The following ZNF610 variants were observed in gnomAD, a reference collection of about 807,000 sequenced individuals.
The protein encoded by ZNF610 is zinc finger protein 610.
In ZNF610, 14 loss-of-function variants were observed where a neutral mutation model predicts 14.1. The observed-to-expected ratio is 0.99, with a 90% CI of 0.65 to 1.55. The LOEUF is 1.55. ZNF610 is among the 40% of genes most tolerant of loss of function. The pLI, the probability that ZNF610 is intolerant of heterozygous loss-of-function variation, is 0.00. For missense variants in ZNF610, 530 were observed against 558.0 expected (o/e 0.95, Z 0.51); for synonymous variants, 185 against 187.6 (o/e 0.99, Z 0.11).
Position 52,336,266 on chromosome 19 carries a change from G to T in ZNF610, c.-498G>T. 3.7e-6 allele frequency: 1 copy of T among 270,874 alleles called. No homozygotes were observed. The highest frequency in any genetic ancestry group is 7.0e-6 in the Non-Finnish European group (1 of 142,016). 16.8% of individuals were successfully genotyped at this position (270,874 alleles called of 1,614,324 possible). A position where few individuals can be genotyped will look rare whatever the true frequency, so the allele number is the denominator to read the frequency against. On this transcript the variant is annotated 5_prime_UTR_variant, in exon 1 of 6. Coordinates refer to ENST00000403906, the MANE Select transcript of ZNF610 (RefSeq NM_001161425.2). ...TTGCAGACCCGGAAGCGGATCGCGT[G>T]GGTAGAAGGTCACACCGCAGCGCGT...
chr19:52,366,888 C>A lies in ZNF610; in HGVS notation c.*121C>A. On this transcript the variant is annotated 3_prime_UTR_variant, in exon 6 of 6. Coordinates refer to ENST00000403906, the MANE Select transcript of ZNF610 (RefSeq NM_001161425.2). ...TAGTTTGCATTGAAGCCTCATCACT[C>A]ATCTCTTGATCCACACTGAAAGGAA... 2 of 711,402 alleles carry A rather than the reference C, an allele frequency of 2.8e-6. No individual in the cohort carries two copies. The highest frequency in any genetic ancestry group is 4.6e-6 in the Non-Finnish European group (2 of 434,696). 44.1% of individuals were successfully genotyped at this position (711,402 alleles called of 1,614,324 possible).
At chr19:52,358,461 C>T (rs1033049976) in intron 5 of ZNF610, among the ~76,000 whole-genome samples, 10 of 152,208 alleles carry the variant, frequency 6.6e-5, no homozygotes, top group African/African-American at 1.9e-4. Context: ...GGATTATAGG[C>T]GTAAGCCACT....
At chr19:52,338,229 G>T (rs1026965266) in intron 1 of ZNF610, among the ~76,000 whole-genome samples, 6 of 152,346 alleles carry the variant, frequency 3.9e-5, no homozygotes, top group Non-Finnish European at 7.3e-5. Flanking sequence ...TGAACCGGGG[G>T]TTCCCATGAC....
At chr19:52,339,320 T>G (rs1984552531) in intron 1 of ZNF610, among the ~76,000 whole-genome samples, 1 of 151,896 alleles carries the variant, frequency 6.6e-6, no homozygotes, top group South Asian at 2.1e-4. Context: ...CTTTATGGGT[T>G]CCAGGCTGGG....
chr19:52,352,862 T>C (rs1225786971), intron 3 of ZNF610, among the ~76,000 whole-genome samples: 1 of 152,168 alleles, frequency 6.6e-6, no homozygotes, highest in African/African-American at 2.4e-5. Flanking sequence ...TTTTCCAATT[T>C]CATTCTTGGC....
At chr19:52,336,688 T>C (rs1984399016) in intron 1 of ZNF610, among the ~76,000 whole-genome samples, 182 bp downstream of exon 1, 1 of 152,178 alleles carries the variant, frequency 6.6e-6, no homozygotes. Context: ...GGCCGCGTCC[T>C]GTACTGGGTC....
intron 5 of ZNF610, among the ~76,000 whole-genome samples, chr19:52,360,243 G>A (rs561104827): frequency 1.4e-4 from 21 of 152,328 alleles, no homozygotes; most frequent in Middle Eastern, 3.4e-3. Flanking sequence ...TGGAGGGCAG[G>A]AAAAGGTTGG....
At chr19:52,333,104 TAGGACAA>T (rs1048260150), upstream of ZNF610, among the ~76,000 whole-genome samples, 5 of 151,976 alleles carry the variant, frequency 3.3e-5, no homozygotes, top group African/African-American at 1.2e-4. Context: ...TTCCAATAGA[TAGGACAA>T]AGGACAGAGG....
In ZNF610 at chr19:52,367,042, T is replaced by C; in HGVS notation, c.*275T>C. 1 of 383,776 alleles carries C rather than the reference T, an allele frequency of 2.6e-6. No individual in the cohort carries two copies. The highest frequency in any genetic ancestry group is 4.6e-6 in the Non-Finnish European group (1 of 216,422). 23.8% of individuals were successfully genotyped at this position (383,776 alleles called of 1,614,324 possible). Reference sequence around the variant, plus strand: ...TTGAGTAGGATTCACATTTAACTGCTGGCACCGTAATTTGTAACTCTTTGA... The same window carrying C: ...TTGAGTAGGATTCACATTTAACTGCCGGCACCGTAATTTGTAACTCTTTGA... On this transcript the variant is annotated 3_prime_UTR_variant, in exon 6 of 6. Transcript: ENST00000403906.
intron 1 of ZNF610, among the ~76,000 whole-genome samples, chr19:52,337,079 A>G (rs1364085714): frequency 6.6e-6 from 1 of 152,142 alleles, no homozygotes; most frequent in Non-Finnish European, 1.5e-5. Context: ...TAGCAGGGGG[A>G]GAAAAGTAAC....
At chr19:52,353,860 A>G in intron 4 of ZNF610, 52 bp downstream of exon 4, 1 of 1,562,516 alleles carries the variant, frequency 6.4e-7, no homozygotes, top group Non-Finnish European at 8.6e-7. Context: ...CTGTCTTTGC[A>G]TTTTCTCTTG....
In ZNF610 at chr19:52,367,536, A is replaced by C. The variant is rs746228500; in HGVS notation, c.*769A>C. ...AGAATAATAACCCATTATGATTTTA[A>C]GGTTGAAGCAGCCAGAAAAGTGTGT... On this transcript the variant is annotated 3_prime_UTR_variant, in exon 6 of 6. Coordinates refer to ENST00000403906, the MANE Select transcript of ZNF610 (RefSeq NM_001161425.2). 6.6e-6 allele frequency: 1 copy of C among 152,186 alleles called. No homozygotes were observed. The highest frequency in any genetic ancestry group is 2.1e-4 in the South Asian group (1 of 4,832). 9.4% of individuals were successfully genotyped at this position (152,186 alleles called of 1,614,324 possible).
chr19:52,353,543 C>T, intron 3 of ZNF610, 139 bp from the exon 4 acceptor site: 1 of 900,138 alleles, frequency 1.1e-6, no homozygotes, highest in South Asian at 1.7e-5. Context: ...TGAACATTTA[C>T]TAGAGATTGG....
intron 3 of ZNF610, among the ~76,000 whole-genome samples, chr19:52,352,784 C>T (rs1385757977): frequency 6.6e-6 from 1 of 151,950 alleles, no homozygotes; most frequent in African/African-American, 2.4e-5. Flanking sequence ...ATGCATCCCA[C>T]GTTTACTGTT....
intron 1 of ZNF610, among the ~76,000 whole-genome samples, chr19:52,342,693 AT>A (rs1449767888): frequency 6.6e-6 from 1 of 151,626 alleles, no homozygotes; most frequent in Non-Finnish European, 1.5e-5. Flanking sequence ...CACCTGGCTA[AT>A]TTTTGTATTT....
At chr19:52,349,353 C>A in intron 3 of ZNF610, 118 bp downstream of exon 3, 2 of 1,373,206 alleles carry the variant, frequency 1.5e-6, no homozygotes, top group Non-Finnish European at 2.0e-6. Context: ...TTTCATCTCG[C>A]TTAGATTCTA....
rs1986125561 is a variant in ZNF610, at chr19:52,366,875, A to C, written c.*108A>C. ...GTGGCAAAGAATTTAGTTTGCATTGAAGCCTCATCACTCATCTCTTGATCC... is the reference window on the plus strand; with the variant it reads ...GTGGCAAAGAATTTAGTTTGCATTGCAGCCTCATCACTCATCTCTTGATCC... On this transcript the variant is annotated 3_prime_UTR_variant, in exon 6 of 6. Coordinates refer to ENST00000403906, the MANE Select transcript of ZNF610 (RefSeq NM_001161425.2). 1 of 816,226 alleles carries C rather than the reference A, an allele frequency of 1.2e-6. No individual in the cohort carries two copies. The highest frequency in any genetic ancestry group is 1.9e-6 in the Non-Finnish European group (1 of 524,734). 50.6% of individuals were successfully genotyped at this position (816,226 alleles called of 1,614,324 possible). A position where few individuals can be genotyped will look rare whatever the true frequency, so the allele number is the denominator to read the frequency against.
At chr19:52,355,882 C>T (rs1252968690) in intron 5 of ZNF610, among the ~76,000 whole-genome samples, 1 of 152,216 alleles carries the variant, frequency 6.6e-6, no homozygotes. Flanking sequence ...GCCTGTGTGT[C>T]TTCAGCATTT....
At chr19:52,346,803 C>T (rs1047555941) in intron 1 of ZNF610, among the ~76,000 whole-genome samples, 14 of 151,984 alleles carry the variant, frequency 9.2e-5, no homozygotes, top group African/African-American at 2.7e-4. Flanking sequence ...GGTCTCGGCT[C>T]ACTGGAACCT....
Sources: allele counts gnomAD v4.1 joint callset (sites outside exome capture counted in the v4.1 genomes callset), GRCh38; gene constraint gnomAD v4.1.1; transcripts MANE v1.5; gene names NCBI Gene and HGNC (gene_info 2026-07-23, HGNC 2026-07-21).